The following ANXA2 variants were observed in gnomAD, a reference collection of about 807,000 sequenced individuals.
The protein encoded by ANXA2 is annexin II.
ANXA2 carries 28 observed loss-of-function variants against 47.3 expected under a neutral mutation model. The observed-to-expected ratio is 0.59, with a 90% CI of 0.44 to 0.81. The LOEUF (loss-of-function observed/expected upper bound fraction) is 0.81, where lower values mean the gene tolerates loss of function less well. ANXA2 is among the 40% of genes least tolerant of loss of function. The pLI is 0.00. For synonymous variants in ANXA2, 172 were observed against 155.5 expected, an observed-to-expected ratio of 1.11 and a Z score of -0.79; for missense variants, 384 against 414.3, an observed-to-expected ratio of 0.93 and a Z score of 0.64.
In ANXA2 at chr15:60,349,111, CTT is replaced by C; in HGVS notation, c.922_923del (p.Lys308GlufsTer16). The C allele has an allele frequency of 6.2e-7, 1 of 1,614,130 alleles. No homozygotes were observed. Among genetic ancestry groups the C allele is most frequent in the Non-Finnish European group, 8.5e-7 (1 of 1,180,028 alleles). On this transcript the variant is annotated frameshift_variant, in exon 12 of 13. Transcript: ENST00000451270. LOFTEE classifies it high-confidence loss of function. ...VDMLKIRSEF[K>X]RKYGKSLYYY... ...AGTACAGGGACTTGCCGTACTTTCT[CTT>C]GAATTCAGACCTAATTTTCAACATG... is the stretch of plus-strand genomic sequence containing the variant.
rs138700570 is a variant in ANXA2 at position 60,397,253 on chromosome 15, A to T, written c.-12+690T>A. On this transcript the variant is annotated intron_variant, in intron 1 of 12. Transcript: ENST00000451270. ...CCCTCCCCACAGAATCATGGGGGAC[A>T]CTACCTTCCTGAGGCCAATGTGTTC... 241 of 984,580 alleles carry T rather than the reference A, an allele frequency of 2.4e-4. 2 individuals carry two copies. In the East Asian group the frequency reaches 0.018, roughly 73 times the overall value. The allele number at this position is 984,580 out of a possible 1,614,324, so 61.0% of individuals were successfully genotyped here.
intron 2 of ANXA2, chr15:60,384,617 C>G (rs770538608): frequency 1.3e-5 from 2 of 152,156 alleles, no homozygotes; most frequent in Non-Finnish European, 2.9e-5. Flanking sequence ...TATTTAGCAC[C>G]TGAATTTGTC....
intron 4 of ANXA2, among the ~76,000 whole-genome samples, chr15:60,361,886 A>G (rs1443524081): frequency 6.6e-6 from 1 of 151,816 alleles, no homozygotes; most frequent in Non-Finnish European, 1.5e-5. Context: ...CCTCCTACTG[A>G]AATAATGTTC....
chr15:60,374,785 T>C (rs1175058889), intron 3 of ANXA2: 2 of 439,386 alleles, frequency 4.6e-6, no homozygotes, highest in Non-Finnish European at 9.1e-6. Context: ...CCAGCACTGC[T>C]GTAAGATGAG....
chr15:60,363,605 C>A (rs1333455562), intron 4 of ANXA2, among the ~76,000 whole-genome samples: 1 of 152,164 alleles, frequency 6.6e-6, no homozygotes, highest in Non-Finnish European at 1.5e-5. Context: ...AAATTTCCTA[C>A]AACTGACAAA....
intron 11 of ANXA2, 131 bp downstream of exon 11, chr15:60,351,062 G>C (rs1273268629): frequency 1.2e-6 from 1 of 817,286 alleles, no homozygotes; most frequent in Non-Finnish European, 2.0e-6. Flanking sequence ...AACCACAGCT[G>C]ACTAGTGTGT....
Position 60,349,131 on chromosome 15 carries a change from T to C in ANXA2, c.904A>G (p.Lys302Glu), listed in dbSNP as rs1895868045. The C allele has an allele frequency of 6.2e-7, 1 of 1,614,098 alleles. No homozygotes were observed. Among genetic ancestry groups the C allele is most frequent in the East Asian group, 2.2e-5 (1 of 44,874 alleles). ...TTTCTCTTGAATTCAGACCTAATTT[T>C]CAACATGTCCACTTCACTGCGGGAG... ...MVSRSEVDML[K>E]IRSEFKRKYG... The change falls in exon 12 of 13, where the codon AAA becomes GAA. Residue 302 changes from lysine (K) to glutamate (E), a missense_variant. Transcript: ENST00000451270.
intron 3 of ANXA2, among the ~76,000 whole-genome samples, chr15:60,373,917 T>C (rs74857903): frequency 0.036 from 5,530 of 152,258 alleles, 142 homozygotes; most frequent in Non-Finnish European, 0.055. Flanking sequence ...TTGGCACACA[T>C]GGATGAGTAG....
chr15:60,356,597 C>A (rs2062434040), intron 6 of ANXA2, among the ~76,000 whole-genome samples: 2 of 151,904 alleles, frequency 1.3e-5, no homozygotes, highest in Admixed American at 6.6e-5. Flanking sequence ...AATACATGTA[C>A]CAAAATATCA....
chr15:60,362,246 C>G (rs2062525426), intron 4 of ANXA2, among the ~76,000 whole-genome samples: 1 of 152,096 alleles, frequency 6.6e-6, no homozygotes, highest in Non-Finnish European at 1.5e-5. Flanking sequence ...CTTAGCCTAC[C>G]CTTGACACTC....
intron 3 of ANXA2, among the ~76,000 whole-genome samples, chr15:60,372,293 A>G (rs1397500631): frequency 1.3e-5 from 2 of 152,148 alleles, no homozygotes; most frequent in Admixed American, 1.3e-4. Flanking sequence ...TGTACTAATG[A>G]GGAAACCAAT....
chr15:60,388,566 ATTTCCTT>A (rs993179495), intron 1 of ANXA2, among the ~76,000 whole-genome samples: 2 of 149,392 alleles, frequency 1.3e-5, no homozygotes, highest in Non-Finnish European at 3.0e-5. Context: ...TTTCCATTTA[ATTTCCTT>A]TTTCCTTTTT....
chr15:60,349,241 T>A, intron 11 of ANXA2, 44 bp from the exon 12 acceptor site: 1 of 1,607,056 alleles, frequency 6.2e-7, no homozygotes, highest in Non-Finnish European at 8.5e-7. Context: ...GAGAATGTTA[T>A]CGTTAAAGAA....
intron 6 of ANXA2, 80 bp from the exon 7 acceptor site, chr15:60,356,078 A>G: frequency 1.8e-6 from 2 of 1,084,954 alleles, no homozygotes. Flanking sequence ...TTTCCCACTA[A>G]GACTCTGAGA....
At chr15:60,384,924 C>G (rs1545539) in intron 2 of ANXA2, 1 of 152,144 alleles carries the variant, frequency 6.6e-6, no homozygotes, top group Non-Finnish European at 1.5e-5. Flanking sequence ...AGTGCTGAGT[C>G]TGCGTAAAAG....
intron 11 of ANXA2, among the ~76,000 whole-genome samples, chr15:60,349,724 AAGAC>A (rs1350937442): frequency 6.7e-6 from 1 of 149,704 alleles, no homozygotes; most frequent in Non-Finnish European, 1.5e-5. Flanking sequence ...GAGAGAGGGA[AAGAC>A]AGAGAGAGAG....
At chr15:60,391,455 A>G (rs2063009317) in intron 1 of ANXA2, among the ~76,000 whole-genome samples, 1 of 152,192 alleles carries the variant, frequency 6.6e-6, no homozygotes, top group Admixed American at 6.5e-5. Flanking sequence ...ACAAGACTAC[A>G]GGCTGGAAAA....
intron 5 of ANXA2, among the ~76,000 whole-genome samples, chr15:60,357,974 C>T (rs957267066): frequency 2.0e-5 from 3 of 152,164 alleles, no homozygotes; most frequent in Non-Finnish European, 4.4e-5. Context: ...AAACAATTCT[C>T]GCTAAAATAA....
At chr15:60,391,281 A>G (rs1342465810) in intron 1 of ANXA2, 1 of 152,304 alleles carries the variant, frequency 6.6e-6, no homozygotes, top group Admixed American at 6.5e-5. Context: ...AGACACAGAG[A>G]GAAAGATCAC....
Sources: allele counts gnomAD v4.1 joint callset (sites outside exome capture counted in the v4.1 genomes callset), GRCh38; gene constraint gnomAD v4.1.1; transcripts MANE v1.5; gene names NCBI Gene and HGNC (gene_info 2026-07-23, HGNC 2026-07-21).